CCL24: variants seen among roughly 807,000 people sequenced by gnomAD.
CCL24 encodes C-C motif chemokine ligand 24, also known as C-C motif chemokine 24.
Under a neutral mutation model 8.6 loss-of-function variants are expected in CCL24, and 6 were observed. That is an observed-to-expected ratio of 0.70 (90% CI 0.38 to 1.38). CCL24 has a LOEUF of 1.38. Ranked by LOEUF, CCL24 falls within the 40% of genes most tolerant of loss-of-function variation. The pLI, the probability that CCL24 is intolerant of heterozygous loss-of-function variation, is 0.02. For synonymous variants in CCL24, 59 were observed against 52.7 expected (o/e 1.12, Z -0.52); for missense variants, 126 against 147.1 (o/e 0.86, Z 0.74).
At chr7:75,822,830 A>G (rs1213768008) in intron 1 of CCL24, among the ~76,000 whole-genome samples, 1 of 152,072 alleles carries the variant, frequency 6.6e-6, no homozygotes, top group Non-Finnish European at 1.5e-5. Context: ...CTCAATCTCC[A>G]AAAAGAAAAA....
chr7:75,818,953 ATT>A (rs1342681689), intron 1 of CCL24, among the ~76,000 whole-genome samples: 1 of 151,332 alleles, frequency 6.6e-6, no homozygotes, highest in African/African-American at 2.4e-5. Context: ...ATATATATAT[ATT>A]ATAGTAATAC....
chr7:75,810,949 C>T lies in CCL24; in HGVS notation c.*847G>A, dbSNP rs28526351. On this transcript the variant is annotated 3_prime_UTR_variant, in exon 3 of 3. Transcript: ENST00000222902. ...AAAAAAAAGCTAGAGTCTTTTCTCCCCCTAATCCCCCCACCCTATCTTCCC... is the reference window on the plus strand; with the variant it reads ...AAAAAAAAGCTAGAGTCTTTTCTCCTCCTAATCCCCCCACCCTATCTTCCC... 0.2 allele frequency among the ~76,000 whole-genome samples: 30,867 copies of T among 151,516 alleles called. 3,374 individuals carry two copies. The highest frequency in any genetic ancestry group is 0.25 in the Non-Finnish European group (17,108 of 67,826).
At chr7:75,817,438 T>C (rs1803916448), upstream of CCL24, among the ~76,000 whole-genome samples, 1 of 151,416 alleles carries the variant, frequency 6.6e-6, no homozygotes, top group Non-Finnish European at 1.5e-5. Flanking sequence ...TGGGGTGGGG[T>C]GCTTCACCCC....
Position 75,813,332 on chromosome 7 carries a change from C to T in CCL24, c.165G>A (p.Arg55=), listed in dbSNP as rs1554533689. 1.2e-6 allele frequency: 2 copies of T among 1,611,886 alleles called. No homozygotes were observed. The highest frequency in any genetic ancestry group is 2.7e-5 in the African/African-American group (2 of 74,860). Residue 55 remains arginine, a synonymous_variant, in exon 2 of 3, where the codon AGG becomes AGA. Coordinates refer to ENST00000222902, the MANE Select transcript of CCL24 (RefSeq NM_002991.3). ...NRVVSYQLSS[R]STCLKAGVIF... The stretch of plus-strand genomic sequence containing the variant: ...TCACTCCTGCCTTGAGGCATGTGCT[C>T]CTGCTGGACAGCTGGTAGCTGACCA...
Position 75,811,677 on chromosome 7 carries a change from G to A in CCL24, c.*119C>T, listed in dbSNP as rs1457383545. 3.5e-6 allele frequency: 3 copies of A among 854,386 alleles called. No individual in the cohort carries two copies. Among genetic ancestry groups the A allele is most frequent in the African/African-American group, 3.4e-5 (2 of 58,828 alleles). 52.9% of individuals were successfully genotyped at this position (854,386 alleles called of 1,614,324 possible). A position where few individuals can be genotyped will look rare whatever the true frequency, so the allele number is the denominator to read the frequency against. ...TTCATAGAAGAGACACATCCCTGGA[G>A]AGTGTTGCTAAGAAACAGGAAAATT... is the stretch of plus-strand genomic sequence containing the variant. On this transcript the variant is annotated 3_prime_UTR_variant, in exon 3 of 3. Transcript: ENST00000222902.
At position 75,811,480 on chromosome 7, in the gene CCL24, GAAA is replaced by G. The variant is rs782139665; in HGVS notation, c.*313_*315del. ...GGTGACAGAGCGAGACTCCGTCTCA[GAAA>G]AAAAAAAAAAAGAAAAAGCATCAGA... On this transcript the variant is annotated 3_prime_UTR_variant, in exon 3 of 3. Transcript: ENST00000222902. 7.6e-6 allele frequency among the ~76,000 whole-genome samples: 1 copy of G among 131,486 alleles called. No individual in the cohort carries two copies. The allele number at this position is 131,486 out of a possible 152,430, so 86.3% of individuals were successfully genotyped here. A position where few individuals can be genotyped will look rare whatever the true frequency, so the allele number is the denominator to read the frequency against.
intron 2 of CCL24, among the ~76,000 whole-genome samples, chr7:75,812,727 C>T (rs943435672): frequency 2.6e-5 from 4 of 152,036 alleles, no homozygotes; most frequent in South Asian, 2.1e-4. Flanking sequence ...GTCAGAAGTT[C>T]GAGACCAGCC....
At chr7:75,816,217 C>G (rs1170217028), upstream of CCL24, among the ~76,000 whole-genome samples, 1 of 152,206 alleles carries the variant, frequency 6.6e-6, no homozygotes, top group East Asian at 1.9e-4. Flanking sequence ...GAAACAACTT[C>G]CTCTGGACCA....
rs1042531042 is a variant in CCL24, at chr7:75,813,487, A to G, written c.74-64T>C. 14 of 1,358,200 alleles carry G rather than the reference A, an allele frequency of 1.0e-5. 1 individual carries two copies. The Middle Eastern group carries it at 8.1e-4, about 79-fold the overall frequency. The allele number at this position is 1,358,200 out of a possible 1,614,324, so 84.1% of individuals were successfully genotyped here. A position where few individuals can be genotyped will look rare whatever the true frequency, so the allele number is the denominator to read the frequency against. On this transcript the variant is annotated intron_variant, in intron 1 of 2. Coordinates refer to ENST00000222902, the MANE Select transcript of CCL24 (RefSeq NM_002991.3). ...GCCTCCCCTTGGCTCTGGGCCTCAG[A>G]GCTGGAGCTTGAACCCTGCACCAAA...
chr7:75,822,628 G>C (rs1032801311), intron 1 of CCL24, among the ~76,000 whole-genome samples: 10 of 143,862 alleles, frequency 7.0e-5, no homozygotes, highest in Non-Finnish European at 1.2e-4. Flanking sequence ...GGGTCAGTTC[G>C]AGACCAGCCT....
chr7:75,818,610 T>C (rs533788250), upstream of CCL24, among the ~76,000 whole-genome samples: 251 of 141,842 alleles, frequency 1.8e-3, 1 homozygote, highest in African/African-American at 6.3e-3. Flanking sequence ...ACCCGGACTC[T>C]TTAAAAAAAA....
intron 1 of CCL24, among the ~76,000 whole-genome samples, chr7:75,820,892 CATTCATTAATCCATCCATCT>C (rs1475726727): frequency 6.6e-6 from 1 of 151,360 alleles, no homozygotes; most frequent in Non-Finnish European, 1.5e-5. Context: ...TCCATCCATC[CATTCATTAATCCATCCATCT>C]ATCCATCAAT....
At chr7:75,818,939 T>TTATA (rs1217156382) in intron 1 of CCL24, among the ~76,000 whole-genome samples, 1 of 149,972 alleles carries the variant, frequency 6.7e-6, no homozygotes, top group East Asian at 2.0e-4. Flanking sequence ...TTAAGGAACT[T>TTATA]TATATATATA....
rs1803752648 is a variant in CCL24, at chr7:75,811,309, T to A, written c.*487A>T. The stretch of plus-strand genomic sequence containing the variant: ...GCCTGGCCAACATGGTGAAACCTCA[T>A]CTCTACTAAAAATACAAAAGTTAGT... On this transcript the variant is annotated 3_prime_UTR_variant, in exon 3 of 3. Transcript: ENST00000222902. Among the ~76,000 whole-genome samples, 1 of 151,666 alleles carries A rather than the reference T, an allele frequency of 6.6e-6. No individual in the cohort carries two copies. The highest frequency in any genetic ancestry group is 1.5e-5 in the Non-Finnish European group (1 of 67,902).
At position 75,811,107 on chromosome 7, in the gene CCL24, AG is replaced by A. The variant is rs1160438468; in HGVS notation, c.*688del. The stretch of plus-strand genomic sequence containing the variant: ...TCTTCCCAAAAAGATTAAACTACCC[AG>A]GCTGGCCCTTCACCCCAGTCCTCCA... On this transcript the variant is annotated 3_prime_UTR_variant, in exon 3 of 3. Coordinates refer to ENST00000222902, the MANE Select transcript of CCL24 (RefSeq NM_002991.3). Among the ~76,000 whole-genome samples the A allele has an allele frequency of 1.3e-5, 2 of 151,708 alleles. No homozygotes were observed. Among genetic ancestry groups the A allele is most frequent in the Non-Finnish European group, 2.9e-5 (2 of 67,948 alleles).
At chr7:75,817,584 C>A (rs782319344), upstream of CCL24, among the ~76,000 whole-genome samples, 22 of 150,966 alleles carry the variant, frequency 1.5e-4, no homozygotes, top group Non-Finnish European at 2.9e-4. Context: ...CTCACTGGAG[C>A]CTCAACCTCC....
upstream of CCL24, among the ~76,000 whole-genome samples, chr7:75,814,469 G>A (rs1803844185): frequency 6.6e-6 from 1 of 152,088 alleles, no homozygotes; most frequent in African/African-American, 2.4e-5. Context: ...GGGAGGCTGA[G>A]GTGGAAGGAT....
At chr7:75,815,388 T>G (rs1459130247), upstream of CCL24, among the ~76,000 whole-genome samples, 1 of 150,314 alleles carries the variant, frequency 6.7e-6, no homozygotes, top group African/African-American at 2.4e-5. Context: ...ATGCCTGTCA[T>G]CCCAGCACTT....
upstream of CCL24, among the ~76,000 whole-genome samples, chr7:75,815,641 G>C: frequency 6.6e-6 from 1 of 152,198 alleles, no homozygotes; most frequent in East Asian, 1.9e-4. Context: ...CAGTTCAGTT[G>C]TAAGGGACTG....
Sources: allele counts gnomAD v4.1 joint callset (sites outside exome capture counted in the v4.1 genomes callset), GRCh38; gene constraint gnomAD v4.1.1; transcripts MANE v1.5; gene names NCBI Gene and HGNC (gene_info 2026-07-23, HGNC 2026-07-21).